The following CACNA1D variants were observed in gnomAD, a reference collection of about 807,000 sequenced individuals.
CACNA1D encodes calcium voltage-gated channel subunit alpha1 D.
In CACNA1D, 55 loss-of-function variants were observed where a neutral mutation model predicts 257.1. The observed-to-expected ratio is 0.21, with a 90% CI of 0.17 to 0.27. CACNA1D has a LOEUF of 0.27. Among genes scored for constraint, CACNA1D ranks in the 10% least tolerant of loss-of-function variants. The pLI, the probability that CACNA1D is intolerant of heterozygous loss-of-function variation, is 1.00. For synonymous variants in CACNA1D, 980 were observed against 1,014.9 expected (o/e 0.97, Z 0.65); for missense variants, 1,876 against 2,784.0 (o/e 0.67, Z 7.34).
intron 3 of CACNA1D, among the ~76,000 whole-genome samples, chr3:53,517,791 G>A (rs1575733109): frequency 6.6e-6 from 1 of 152,114 alleles, no homozygotes; most frequent in African/African-American, 2.4e-5. Flanking sequence ...CATGCATCAC[G>A]ATTTTCAAAG....
chr3:53,622,395 A>T (rs998572934), intron 3 of CACNA1D, among the ~76,000 whole-genome samples: 6 of 152,232 alleles, frequency 3.9e-5, no homozygotes, highest in African/African-American at 1.2e-4. Context: ...ATTTATACAC[A>T]AATTATTATA....
chr3:53,701,194 T>A (rs2094622241), intron 8 of CACNA1D, among the ~76,000 whole-genome samples: 1 of 152,208 alleles, frequency 6.6e-6, no homozygotes, highest in Admixed American at 6.5e-5. Context: ...CAGGCTGGAA[T>A]GCAGTGGCAT....
Position 53,666,430 on chromosome 3 carries a change from G to C in CACNA1D, c.1011G>C (p.Trp337Cys). The C allele has an allele frequency of 6.2e-7, 1 of 1,614,204 alleles. No homozygotes were observed. The stretch of plus-strand genomic sequence containing the variant: ...ATGGCACGGAATGTAGGAGTGGCTG[G>C]GTTGGCCCGAACGGAGGCATCACCA... ...TANGTECRSG[W>C]VGPNGGITNF... Residue 337 changes from tryptophan to cysteine, a missense_variant, in exon 7 of 48, where the codon TGG (tryptophan) becomes TGC (cysteine). Transcript: ENST00000350061.
intron 28 of CACNA1D, among the ~76,000 whole-genome samples, chr3:53,753,089 C>T (rs563370659): frequency 7.2e-5 from 11 of 152,320 alleles, no homozygotes; most frequent in Admixed American, 7.2e-4. Flanking sequence ...GATAAATTTT[C>T]TGGCATTTTT....
intron 21 of CACNA1D, among the ~76,000 whole-genome samples, chr3:53,742,650 C>T (rs952170466): frequency 9.8e-5 from 15 of 152,318 alleles, no homozygotes; most frequent in East Asian, 5.8e-4. Flanking sequence ...CCAGAACCAG[C>T]ACTTTGTGGG....
intron 3 of CACNA1D, among the ~76,000 whole-genome samples, chr3:53,602,871 T>G (rs932820135): frequency 5.2e-5 from 8 of 152,382 alleles, no homozygotes; most frequent in Middle Eastern, 3.4e-3. Flanking sequence ...ATGGATACTT[T>G]GCAAATGTTT....
chr3:53,733,141 C>T (rs1160213973), intron 19 of CACNA1D, among the ~76,000 whole-genome samples, 179 bp downstream of exon 19: 3 of 152,202 alleles, frequency 2.0e-5, no homozygotes, highest in Admixed American at 1.3e-4. Context: ...GTTGCTCTTG[C>T]CCTCAGCTCA....
Position 53,722,413 on chromosome 3 carries a change from G to C in CACNA1D, c.1605G>C (p.Leu535=). 1.2e-6 allele frequency: 2 copies of C among 1,614,064 alleles called. No homozygotes were observed. Among genetic ancestry groups the C allele is most frequent in the Non-Finnish European group, 1.7e-6 (2 of 1,179,968 alleles). The change falls in exon 12 of 48, where the codon CTG becomes CTC. Residue 535 remains leucine, a synonymous_variant. Transcript: ENST00000350061. The part of the protein sequence containing the change: ...FYWLVIVLVF[L]NTLTISSEHY... Reference sequence around the variant, plus strand: ...GGCTGGTTATCGTCCTGGTGTTTCTGAACACCTTAACCATTTCCTCTGAGC... The same window carrying C: ...GGCTGGTTATCGTCCTGGTGTTTCTCAACACCTTAACCATTTCCTCTGAGC...
chr3:53,777,378 G>A (rs2095403706), intron 37 of CACNA1D, among the ~76,000 whole-genome samples: 1 of 152,202 alleles, frequency 6.6e-6, no homozygotes, highest in Non-Finnish European at 1.5e-5. Flanking sequence ...GTCCTGCTGA[G>A]GTCCAGGAGA....
intron 29 of CACNA1D, 32 bp from the exon 30 acceptor site, chr3:53,761,966 C>G: frequency 6.7e-7 from 1 of 1,482,372 alleles, no homozygotes; most frequent in Non-Finnish European, 9.4e-7. Context: ...CATACATGCT[C>G]ATAAACATCT....
chr3:53,629,891 T>A (rs2093803324), intron 3 of CACNA1D, among the ~76,000 whole-genome samples: 2 of 152,246 alleles, frequency 1.3e-5, no homozygotes, highest in Non-Finnish European at 2.9e-5. Flanking sequence ...CATTGCTGAC[T>A]GACAGTGTAT....
At position 53,812,643 on chromosome 3, in the gene CACNA1D, G is replaced by C. The variant is rs750859470; in HGVS notation, c.*1237G>C. The C allele has an allele frequency of 5.3e-5, 8 of 152,170 alleles. No individual in the cohort carries two copies. Among genetic ancestry groups the C allele is most frequent in the Non-Finnish European group, 1.2e-4 (8 of 68,030 alleles). 9.4% of individuals were successfully genotyped at this position (152,170 alleles called of 1,614,324 possible). A position where few individuals can be genotyped will look rare whatever the true frequency, so the allele number is the denominator to read the frequency against. ...GGTCCAGCTGGCTGCTCTGCCCCTT[G>C]GGTATCCATAGTTACGGTTTTCTCT... On this transcript the variant is annotated 3_prime_UTR_variant, in exon 48 of 48. Transcript: ENST00000350061.
intron 8 of CACNA1D, among the ~76,000 whole-genome samples, chr3:53,676,648 T>C (rs2094379949): frequency 6.6e-6 from 1 of 152,246 alleles, no homozygotes; most frequent in African/African-American, 2.4e-5. Context: ...AATACCTGTA[T>C]CTGTTTTTGC....
intron 3 of CACNA1D, among the ~76,000 whole-genome samples, chr3:53,585,090 A>G (rs1258094457): frequency 6.9e-6 from 1 of 145,300 alleles, no homozygotes; most frequent in Non-Finnish European, 1.5e-5. Context: ...CATTTTTAAT[A>G]TGGGTCAGAG....
intron 3 of CACNA1D, among the ~76,000 whole-genome samples, chr3:53,549,395 A>G (rs1388821667): frequency 6.6e-6 from 1 of 152,052 alleles, no homozygotes; most frequent in Non-Finnish European, 1.5e-5. Flanking sequence ...AGTGAACCCA[A>G]CTCTTGGTAG....
intron 3 of CACNA1D, among the ~76,000 whole-genome samples, chr3:53,583,359 A>G (rs1027377136): frequency 2.0e-5 from 3 of 152,110 alleles, no homozygotes; most frequent in Admixed American, 6.5e-5. Context: ...AAGCCTTGGC[A>G]TGTCCTGCCA....
intron 3 of CACNA1D, among the ~76,000 whole-genome samples, chr3:53,591,682 T>A (rs1298605991): frequency 6.6e-6 from 1 of 152,236 alleles, no homozygotes; most frequent in African/African-American, 2.4e-5. Flanking sequence ...ATTATAATTC[T>A]AAGATTATAA....
chr3:53,691,163 G>T (rs986144), intron 8 of CACNA1D, among the ~76,000 whole-genome samples: 73,985 of 134,432 alleles, frequency 0.55, 18,697 homozygotes, highest in East Asian at 0.69. Context: ...TTTTTTTTTT[G>T]GGGGGGAGAT....
At chr3:53,570,578 G>T (rs566454710) in intron 3 of CACNA1D, among the ~76,000 whole-genome samples, 1 of 152,316 alleles carries the variant, frequency 6.6e-6, no homozygotes. Flanking sequence ...TATCTTGATT[G>T]TATCTTCTTA....
Sources: allele counts gnomAD v4.1 joint callset (sites outside exome capture counted in the v4.1 genomes callset), GRCh38; gene constraint gnomAD v4.1.1; transcripts MANE v1.5; gene names NCBI Gene and HGNC (gene_info 2026-07-23, HGNC 2026-07-21).